The following TGFBRAP1 variants were observed in gnomAD, a reference collection of about 807,000 sequenced individuals.
TGFBRAP1 encodes transforming growth factor beta receptor associated protein 1, also known as transforming growth factor-beta receptor-associated protein 1.
Under a neutral mutation model 83.2 loss-of-function variants are expected in TGFBRAP1, and 20 were observed. That is an observed-to-expected ratio of 0.24 (90% CI 0.17 to 0.35). TGFBRAP1 has a LOEUF of 0.35. Among genes scored for constraint, TGFBRAP1 ranks in the 10% least tolerant of loss-of-function variants. The probability of loss-of-function intolerance (pLI) is 1.00; values close to 1 mark genes in which losing one functional copy is unlikely to be tolerated. For synonymous variants in TGFBRAP1, 415 were observed against 459.8 expected (o/e 0.90, Z 1.25); for missense variants, 950 against 1,099.4 (o/e 0.86, Z 1.92).
intron 1 of TGFBRAP1, among the ~76,000 whole-genome samples, chr2:105,317,792 A>G (rs1488653898): frequency 2.0e-5 from 3 of 152,234 alleles, no homozygotes; most frequent in Admixed American, 6.5e-5. Flanking sequence ...TGCAGCAAGA[A>G]AGTCAAGGAT....
chr2:105,304,783 G>A (rs115277346), intron 2 of TGFBRAP1, among the ~76,000 whole-genome samples: 7,179 of 152,210 alleles, frequency 0.047, 203 homozygotes, highest in African/African-American at 0.075. Context: ...ACTCCGTTCT[G>A]GGGGTGGGAA....
chr2:105,314,432 A>G (rs1002615313), intron 1 of TGFBRAP1, among the ~76,000 whole-genome samples: 2 of 150,934 alleles, frequency 1.3e-5, no homozygotes, highest in African/African-American at 4.9e-5. Flanking sequence ...TTGTATTTTT[A>G]GTAGAGACAG....
In TGFBRAP1 at chr2:105,266,316, A is replaced by G. The variant is rs1676932421; in HGVS notation, c.*1067T>C. The G allele has an allele frequency of 6.6e-6, 1 of 152,208 alleles. No individual in the cohort carries two copies. Among genetic ancestry groups the G allele is most frequent in the South Asian group, 2.1e-4 (1 of 4,834 alleles). The allele number at this position is 152,208 out of a possible 1,614,324, so 9.4% of individuals were successfully genotyped here. Reference sequence around the variant, plus strand: ...CCTTCCACCCGCTGTCGGTCCTGCTAAAGGTACGAGGCTAAAACCGGCCTC... The same window carrying G: ...CCTTCCACCCGCTGTCGGTCCTGCTGAAGGTACGAGGCTAAAACCGGCCTC... On this transcript the variant is annotated 3_prime_UTR_variant, in exon 12 of 12. Coordinates refer to ENST00000393359, the MANE Select transcript of TGFBRAP1 (RefSeq NM_004257.6).
chr2:105,274,617 G>A (rs569969514), intron 8 of TGFBRAP1, among the ~76,000 whole-genome samples: 2 of 152,186 alleles, frequency 1.3e-5, no homozygotes, highest in East Asian at 1.9e-4. Flanking sequence ...CCTTGCAACG[G>A]CACTGAGATC....
intron 7 of TGFBRAP1, among the ~76,000 whole-genome samples, chr2:105,277,009 G>T (rs1677374047): frequency 6.6e-6 from 1 of 152,208 alleles, no homozygotes; most frequent in African/African-American, 2.4e-5. Flanking sequence ...GTCTCCCCCT[G>T]AGAGTGTGAG....
chr2:105,280,704 G>A lies in TGFBRAP1; in HGVS notation c.1141C>T (p.Arg381Trp), dbSNP rs1260193168. ...AAGGGGTAGAGAGAGATCAGCTCCCGGACATCAAGCTGGCCGCTTCTGCAA... is the reference window on the plus strand; with the variant it reads ...AAGGGGTAGAGAGAGATCAGCTCCCAGACATCAAGCTGGCCGCTTCTGCAA... The part of the protein sequence containing the change: ...ELFRSGQLDV[R>W]ELISLYPFLL... Residue 381 changes from arginine to tryptophan, a missense_variant, in exon 6 of 12, where the codon CGG becomes TGG. Physicochemically the swap from Arg to Trp is moderately radical, Grantham distance 101 (BLOSUM62 -3). Coordinates refer to ENST00000393359, the MANE Select transcript of TGFBRAP1 (RefSeq NM_004257.6). 3.1e-6 allele frequency: 5 copies of A among 1,613,112 alleles called. No individual in the cohort carries two copies. Among genetic ancestry groups the A allele is most frequent in the Non-Finnish European group, 4.2e-6 (5 of 1,179,312 alleles).
At chr2:105,279,825 G>A (rs1677470645) in intron 6 of TGFBRAP1, among the ~76,000 whole-genome samples, 1 of 152,032 alleles carries the variant, frequency 6.6e-6, no homozygotes, top group African/African-American at 2.4e-5. Context: ...ACCACCTGAG[G>A]TCAGGAGTTC....
At chr2:105,255,065 A>G in the TGFBRAP1 span, among the ~76,000 whole-genome samples, 1 of 152,206 alleles carries the variant, frequency 6.6e-6, no homozygotes, top group Non-Finnish European at 1.5e-5. Flanking sequence ...AGATACTCGG[A>G]GGCAAACTTT....
At chr2:105,282,829 A>G (rs1677588476) in intron 5 of TGFBRAP1, among the ~76,000 whole-genome samples, 1 of 117,220 alleles carries the variant, frequency 8.5e-6, no homozygotes, top group African/African-American at 2.8e-5. Flanking sequence ...CTGCTTCAAA[A>G]CGAAAAAAAA....
downstream of TGFBRAP1, among the ~76,000 whole-genome samples, chr2:105,261,507 T>C (rs931244955): frequency 1.4e-4 from 21 of 152,088 alleles, no homozygotes; most frequent in South Asian, 6.2e-4. Context: ...ATCTCAGCAC[T>C]TTGGGAGGCC....
intron 1 of TGFBRAP1, among the ~76,000 whole-genome samples, chr2:105,327,842 G>A (rs948280977): frequency 1.1e-4 from 16 of 152,140 alleles, no homozygotes; most frequent in Admixed American, 5.9e-4. Context: ...GTGAATGAAG[G>A]CTAACAGTGG....
At chr2:105,273,060 T>A in intron 9 of TGFBRAP1, 46 bp from the exon 10 acceptor site, 2 of 1,593,146 alleles carry the variant, frequency 1.3e-6, no homozygotes, top group Non-Finnish European at 1.7e-6. Context: ...TGTTTTCAAG[T>A]GGGAAAGTCA....
intron 11 of TGFBRAP1, among the ~76,000 whole-genome samples, chr2:105,268,651 A>T (rs1366267123): frequency 6.6e-6 from 1 of 152,198 alleles, no homozygotes; most frequent in Non-Finnish European, 1.5e-5. Context: ...ATCTTCCAGG[A>T]CAGGGAGCGT....
intron 1 of TGFBRAP1, among the ~76,000 whole-genome samples, chr2:105,323,169 G>A (rs1468663615): frequency 4.6e-5 from 7 of 152,120 alleles, no homozygotes; most frequent in African/African-American, 1.7e-4. Flanking sequence ...GCATGCATTG[G>A]AGGCCAGTTT....
At chr2:105,260,793 G>T (rs1676772392), downstream of TGFBRAP1, among the ~76,000 whole-genome samples, 1 of 152,116 alleles carries the variant, frequency 6.6e-6, no homozygotes, top group Non-Finnish European at 1.5e-5. Context: ...CTATGAAAAT[G>T]GCAAGAATAT....
the TGFBRAP1 span, among the ~76,000 whole-genome samples, chr2:105,258,730 T>TACACACACACACACACAC: frequency 1.5e-4 from 21 of 140,516 alleles, no homozygotes; most frequent in African/African-American, 5.2e-4. Flanking sequence ...TCCCCACCCC[T>TACACACACACACACACAC]ACACACACAC....
intron 7 of TGFBRAP1, among the ~76,000 whole-genome samples, chr2:105,276,820 A>G (rs1677367109): frequency 6.6e-6 from 1 of 152,194 alleles, no homozygotes; most frequent in African/African-American, 2.4e-5. Context: ...GGTTACCACA[A>G]TAGTCTCACA....
chr2:105,273,347 C>T (rs2304543), intron 9 of TGFBRAP1, among the ~76,000 whole-genome samples, 197 bp downstream of exon 9: 31 of 152,010 alleles, frequency 2.0e-4, no homozygotes, highest in African/African-American at 6.8e-4. Context: ...GGGTGTGAGA[C>T]GGACGGAGAA....
chr2:105,255,670 C>G, the TGFBRAP1 span, among the ~76,000 whole-genome samples: 1 of 152,184 alleles, frequency 6.6e-6, no homozygotes, highest in South Asian at 2.1e-4. Flanking sequence ...CCCCAACCAC[C>G]TCCTTTATGG....
Sources: allele counts gnomAD v4.1 joint callset (sites outside exome capture counted in the v4.1 genomes callset), GRCh38; gene constraint gnomAD v4.1.1; transcripts MANE v1.5; gene names NCBI Gene and HGNC (gene_info 2026-07-23, HGNC 2026-07-21).